The following TNR variants were observed in gnomAD, a reference collection of about 807,000 sequenced individuals.
TNR encodes the protein tenascin R.
Under a neutral mutation model 150.4 loss-of-function variants are expected in TNR, and 45 were observed. That is an observed-to-expected ratio of 0.30 (90% confidence interval 0.24 to 0.38). The LOEUF is 0.38. Among genes scored for constraint, TNR ranks in the 10% least tolerant of loss-of-function variants. TNR has a pLI of 1.00. For missense variants in TNR, 1,544 were observed against 1,759.1 expected (o/e 0.88, Z 2.19); for synonymous variants, 687 against 678.4 (o/e 1.01, Z -0.20).
intron 1 of TNR, among the ~76,000 whole-genome samples, chr1:175,615,424 G>A (rs1663739124): frequency 6.6e-6 from 1 of 152,198 alleles, no homozygotes; most frequent in African/African-American, 2.4e-5. Flanking sequence ...ATCAGGCTTA[G>A]TCTGCAGGCC....
chr1:175,397,132 TAAGTA>T (rs1452360113), intron 4 of TNR, among the ~76,000 whole-genome samples: 1 of 152,224 alleles, frequency 6.6e-6, no homozygotes, highest in Non-Finnish European at 1.5e-5. Flanking sequence ...ACCTAATACT[TAAGTA>T]AATTATATTA....
chr1:175,375,749 G>C (rs1409093306), intron 9 of TNR, among the ~76,000 whole-genome samples: 1 of 152,256 alleles, frequency 6.6e-6, no homozygotes, highest in Middle Eastern at 3.4e-3. Context: ...CTGACCTTGT[G>C]CCCAGCAAAG....
At chr1:175,346,365 G>A (rs4650919) in intron 18 of TNR, among the ~76,000 whole-genome samples, 64,805 of 151,916 alleles carry the variant, frequency 0.43, 15,494 homozygotes, top group East Asian at 0.66. Context: ...AAGCGGGTAG[G>A]GAGGAAAGAG....
intron 1 of TNR, among the ~76,000 whole-genome samples, chr1:175,589,302 G>A (rs976252173): frequency 6.6e-6 from 1 of 152,156 alleles, no homozygotes; most frequent in East Asian, 1.9e-4. Context: ...TTGGGAAAGG[G>A]TTTAGATGAA....
intron 1 of TNR, among the ~76,000 whole-genome samples, chr1:175,594,892 T>C (rs1318534746): frequency 6.8e-6 from 1 of 147,632 alleles, no homozygotes; most frequent in Non-Finnish European, 1.5e-5. Context: ...TGGCTGGGCA[T>C]GGTGGCTCAA....
chr1:175,639,276 A>G (rs1664579569), intron 1 of TNR, among the ~76,000 whole-genome samples: 1 of 152,214 alleles, frequency 6.6e-6, no homozygotes, highest in Non-Finnish European at 1.5e-5. Context: ...GTAGAAGGGA[A>G]CAAAAGACCA....
At chr1:175,630,811 C>T (rs1196668303) in intron 1 of TNR, among the ~76,000 whole-genome samples, 1 of 136,770 alleles carries the variant, frequency 7.3e-6, no homozygotes, top group Admixed American at 6.9e-5. Context: ...CTGAGCTCTG[C>T]TTGCAAAAAA....
chr1:175,334,002 G>T (rs935270361), intron 20 of TNR, among the ~76,000 whole-genome samples: 1 of 152,208 alleles, frequency 6.6e-6, no homozygotes, highest in African/African-American at 2.4e-5. Context: ...GGTACTTAGG[G>T]TGTAGAGGAG....
chr1:175,554,700 C>T lies in TNR; in HGVS notation c.-164-26331G>A, dbSNP rs150142845. Among the ~76,000 whole-genome samples, 448 of 152,286 alleles carry T rather than the reference C, an allele frequency of 2.9e-3. 18 individuals carry two copies. In the East Asian group the frequency reaches 0.039, roughly 13 times the overall value. ...ACAGGCTCCCAGCTCCATGATTTCT[C>T]CAGCCCCCACCCCTGAGCTTGTCCA... is the stretch of plus-strand genomic sequence containing the variant. On this transcript the variant is annotated intron_variant, in intron 1 of 22. Transcript: ENST00000367674.
intron 1 of TNR, among the ~76,000 whole-genome samples, chr1:175,661,786 TCCCTCCC>T (rs1390514667): frequency 1.4e-5 from 1 of 69,144 alleles, no homozygotes; most frequent in Non-Finnish European, 3.3e-5. Flanking sequence ...TCATCCTCTT[TCCCTCCC>T]CCCTCCCCCC....
chr1:175,371,972 T>A (rs573084120), intron 9 of TNR, among the ~76,000 whole-genome samples: 3 of 152,032 alleles, frequency 2.0e-5, no homozygotes, highest in African/African-American at 7.2e-5. Context: ...ATGTTGGTGG[T>A]GGGGCCCAGT....
chr1:175,596,351 A>G (rs1291409223), intron 1 of TNR, among the ~76,000 whole-genome samples: 2 of 152,092 alleles, frequency 1.3e-5, no homozygotes, highest in Non-Finnish European at 2.9e-5. Flanking sequence ...ACTTTCTACC[A>G]GTTCGCAACA....
intron 1 of TNR, among the ~76,000 whole-genome samples, chr1:175,577,741 C>T (rs1662177903): frequency 6.6e-6 from 1 of 152,154 alleles, no homozygotes; most frequent in African/African-American, 2.4e-5. Flanking sequence ...ACCCATTGGC[C>T]TTTCCTGCAC....
At chr1:175,495,804 T>C (rs571149130) in intron 2 of TNR, among the ~76,000 whole-genome samples, 1 of 152,334 alleles carries the variant, frequency 6.6e-6, no homozygotes, top group Admixed American at 6.5e-5. Flanking sequence ...GGCGAGAAGC[T>C]GGGACCTGCG....
At chr1:175,458,077 T>A (rs1656643714) in intron 2 of TNR, among the ~76,000 whole-genome samples, 1 of 152,248 alleles carries the variant, frequency 6.6e-6, no homozygotes, top group Non-Finnish European at 1.5e-5. Flanking sequence ...TGAAAATTAA[T>A]GAAGATAATG....
intron 1 of TNR, among the ~76,000 whole-genome samples, chr1:175,652,483 A>T (rs1665030159): frequency 6.6e-6 from 1 of 152,154 alleles, no homozygotes. Flanking sequence ...AACTGATAAT[A>T]GTTTGGATTT....
At chr1:175,430,884 T>A (rs1429041431) in intron 2 of TNR, among the ~76,000 whole-genome samples, 2 of 152,228 alleles carry the variant, frequency 1.3e-5, no homozygotes, top group Admixed American at 6.5e-5. Flanking sequence ...TGTTTTATAT[T>A]TTGTAGTAAA....
intron 1 of TNR, among the ~76,000 whole-genome samples, chr1:175,565,661 TC>T (rs1228507248): frequency 6.6e-6 from 1 of 152,202 alleles, no homozygotes; most frequent in East Asian, 1.9e-4. Flanking sequence ...ACTTTTTTCT[TC>T]AGCATTACTT....
In TNR at chr1:175,365,188, T is replaced by A. The variant is rs778937331; in HGVS notation, c.2409A>T (p.Arg803Ser). Residue 803 changes from arginine (R) to serine (S), a missense_variant, in exon 12 of 23, where the codon AGA becomes AGT. Arg to Ser is a moderately radical substitution (Grantham distance 110, BLOSUM62 -1). Coordinates refer to ENST00000367674, the MANE Select transcript of TNR (RefSeq NM_003285.3). ...CCCTGGGGCTGTAGTTAAGAATGAGTCTGTCTGCTGGGGGAGATGGATCAC... is the reference window on the plus strand; with the variant it reads ...CCCTGGGGCTGTAGTTAAGAATGAGACTGTCTGCTGGGGGAGATGGATCAC... ...TWSDPSPPAD[R>S]LILNYSPRDE... 1 of 1,613,982 alleles carries A rather than the reference T, an allele frequency of 6.2e-7. No homozygotes were observed. Among genetic ancestry groups the A allele is most frequent in the East Asian group, 2.2e-5 (1 of 44,868 alleles).
Sources: allele counts gnomAD v4.1 joint callset (sites outside exome capture counted in the v4.1 genomes callset), GRCh38; gene constraint gnomAD v4.1.1; transcripts MANE v1.5; gene names NCBI Gene and HGNC (gene_info 2026-07-23, HGNC 2026-07-21).